ITGB2: variants seen among roughly 807,000 people sequenced by gnomAD.
The protein encoded by ITGB2 is integrin subunit beta 2.
ITGB2 carries 56 observed loss-of-function variants against 86.8 expected under a neutral mutation model. The observed-to-expected ratio is 0.65, with a 90% CI of 0.52 to 0.81. The LOEUF is 0.81. Among genes scored for constraint, ITGB2 ranks in the 30% least tolerant of loss-of-function variants. The pLI is 0.00. For synonymous variants in ITGB2, 457 were observed against 450.4 expected, an observed-to-expected ratio of 1.01 and a Z score of -0.19; for missense variants, 948 against 1,061.2, an observed-to-expected ratio of 0.89 and a Z score of 1.48.
In ITGB2 at chr21:44,903,248, C is replaced by A. The variant is rs1373145169; in HGVS notation, c.499+117G>T. On this transcript the variant is annotated intron_variant, in intron 5 of 15. Transcript: ENST00000652462. ...GTGGATGCCCTGGGGGGACCTGCAT[C>A]TGGGGCCCCCAGATCTACCCTGGGG... is the stretch of plus-strand genomic sequence containing the variant. 6.1e-6 allele frequency: 8 copies of A among 1,307,900 alleles called. No homozygotes were observed. In the Admixed American group the frequency reaches 7.1e-5, roughly 12 times the overall value. 81.0% of individuals were successfully genotyped at this position (1,307,900 alleles called of 1,614,324 possible).
intron 3 of ITGB2, among the ~76,000 whole-genome samples, chr21:44,907,776 A>G (rs2084065506): frequency 6.6e-6 from 1 of 152,146 alleles, no homozygotes; most frequent in South Asian, 2.1e-4. Flanking sequence ...TCAGGAGGAT[A>G]AGCCCGGCCC....
chr21:44,922,006 G>A (rs1363285841), upstream of ITGB2, among the ~76,000 whole-genome samples: 1 of 152,214 alleles, frequency 6.6e-6, no homozygotes, highest in African/African-American at 2.4e-5. Flanking sequence ...TTACTGGCGT[G>A]AGCCATGGCT....
intron 4 of ITGB2, 133 bp downstream of exon 4, chr21:44,906,782 G>C (rs1461894828): frequency 1.1e-6 from 1 of 905,514 alleles, no homozygotes; most frequent in Non-Finnish European, 1.8e-6. Flanking sequence ...GGGCTTCACT[G>C]GCCCACACAC....
At chr21:44,906,855 C>A in intron 4 of ITGB2, 60 bp downstream of exon 4, 2 of 1,592,032 alleles carry the variant, frequency 1.3e-6, no homozygotes, top group South Asian at 2.2e-5. Flanking sequence ...GCCGGACTCC[C>A]AGCCAGAGCC....
At position 44,889,515 on chromosome 21, in the gene ITGB2, G is replaced by A. The variant is rs377371046; in HGVS notation, c.1658-20C>T. ...CCCTCCCTGGAAGACGGGGCAGCAC[G>A]GCTAAGCTCCTGCTTGGCCTGGGAA... On this transcript the variant is annotated intron_variant, in intron 12 of 15. Transcript: ENST00000652462. The A allele has an allele frequency of 2.1e-4, 321 of 1,547,398 alleles. 2 individuals are homozygous for A. Among genetic ancestry groups the A allele is most frequent in the African/African-American group, 9.6e-4 (70 of 73,124 alleles).
chr21:44,888,036 C>T (rs1303961453), intron 14 of ITGB2, among the ~76,000 whole-genome samples: 1 of 152,242 alleles, frequency 6.6e-6, no homozygotes, highest in Non-Finnish European at 1.5e-5. Context: ...GGGCCAGTGT[C>T]ACCAAGGTCA....
chr21:44,901,414 C>G, intron 6 of ITGB2, 78 bp downstream of exon 6: 1 of 1,550,568 alleles, frequency 6.4e-7, no homozygotes, highest in Non-Finnish European at 8.7e-7. Flanking sequence ...CAGGGTACCC[C>G]CCTGCCCCCA....
rs367565222 is a variant in ITGB2 at position 44,900,289 on chromosome 21, C to T, written c.897+31G>A. ...CCTCCGTCAGTGGTGTCCTGCCAGG[C>T]GGTGCCTGGGTGCCTGGGGTGGGGA... On this transcript the variant is annotated intron_variant, in intron 7 of 15. Coordinates refer to ENST00000652462, the MANE Select transcript of ITGB2 (RefSeq NM_000211.5). 80 of 1,614,010 alleles carry T rather than the reference C, an allele frequency of 5.0e-5. 1 individual carries two copies. The highest frequency in any genetic ancestry group is 1.6e-4 in the South Asian group (15 of 91,080).
intron 1 of ITGB2, among the ~76,000 whole-genome samples, chr21:44,919,782 G>C (rs2084271746): frequency 6.6e-6 from 1 of 152,216 alleles, no homozygotes; most frequent in African/African-American, 2.4e-5. Flanking sequence ...GGATGGACAG[G>C]GACAGCAGGG....
At chr21:44,892,025 G>T in intron 10 of ITGB2, 29 bp from the exon 11 acceptor site, 2 of 1,603,798 alleles carry the variant, frequency 1.2e-6, no homozygotes, top group South Asian at 1.1e-5. Context: ...CTCAGGTGGG[G>T]ACCCTCGGTG....
intron 7 of ITGB2, among the ~76,000 whole-genome samples, chr21:44,899,801 G>A (rs1485766807): frequency 6.6e-6 from 1 of 152,190 alleles, no homozygotes; most frequent in Non-Finnish European, 1.5e-5. Context: ...GCTCCTTCTC[G>A]CCTCTGTCCC....
At chr21:44,891,664 A>T in intron 11 of ITGB2, 145 bp downstream of exon 11, 1 of 847,588 alleles carries the variant, frequency 1.2e-6, no homozygotes, top group Non-Finnish European at 1.8e-6. Flanking sequence ...AAATCTCCCC[A>T]CCTCCTGCAG....
chr21:44,895,879 A>ATG (rs55659143), intron 8 of ITGB2, among the ~76,000 whole-genome samples: 27,185 of 142,200 alleles, frequency 0.19, 2,840 homozygotes, highest in Middle Eastern at 0.3. Context: ...ATGAAATAAA[A>ATG]AAATAAATAA....
At position 44,910,732 on chromosome 21, in the gene ITGB2, G is replaced by C. The variant is rs768225440; in HGVS notation, c.51C>G (p.Leu17=). 1.9e-6 allele frequency: 3 copies of C among 1,613,878 alleles called. No individual in the cohort carries two copies. Among genetic ancestry groups the C allele is most frequent in the Non-Finnish European group, 2.5e-6 (3 of 1,179,968 alleles). ...GTGGAACACAGAACTCACCGCACCC[G>C]AGGGAGAGCAGCCCCACCAGGGCGA... ...PLLALVGLLS[L]GCVLSQECTK... is the part of the protein sequence containing the mutation. Residue 17 remains leucine (L), a synonymous_variant, in exon 2 of 16, where the codon CTC becomes CTG. Transcript: ENST00000652462.
At chr21:44,926,459 G>C (rs959867459) in intron 1 of ITGB2, among the ~76,000 whole-genome samples, 9 of 152,178 alleles carry the variant, frequency 5.9e-5, no homozygotes. Flanking sequence ...CTTTGATGAG[G>C]AAATGGCGAC....
intron 1 of ITGB2, chr21:44,911,052 A>G: frequency 1.8e-6 from 1 of 556,414 alleles, no homozygotes; most frequent in Middle Eastern, 4.9e-4. Context: ...AGAGGCACAC[A>G]ACACAGGCAC....
At chr21:44,919,444 A>G (rs1287993002) in intron 1 of ITGB2, among the ~76,000 whole-genome samples, 3 of 152,164 alleles carry the variant, frequency 2.0e-5, no homozygotes, top group East Asian at 1.9e-4. Flanking sequence ...CACTCTTGGT[A>G]AAGTGCTGGC....
At position 44,899,048 on chromosome 21, in the gene ITGB2, G is replaced by T. The variant is rs767679796; in HGVS notation, c.993+19C>A. On this transcript the variant is annotated intron_variant, in intron 8 of 15. Transcript: ENST00000652462. ...ACATGCCCCCACCCAATGGATGCTCGGGACCCAACAGCACTCACCTCGTAG... is the reference window on the plus strand; with the variant it reads ...ACATGCCCCCACCCAATGGATGCTCTGGACCCAACAGCACTCACCTCGTAG... 1 of 1,593,428 alleles carries T rather than the reference G, an allele frequency of 6.3e-7. No individual in the cohort carries two copies. The highest frequency in any genetic ancestry group is 1.1e-5 in the South Asian group (1 of 90,586).
At chr21:44,916,457 A>G (rs1039491931) in intron 1 of ITGB2, among the ~76,000 whole-genome samples, 3 of 152,092 alleles carry the variant, frequency 2.0e-5, no homozygotes, top group Non-Finnish European at 2.9e-5. Flanking sequence ...GGCCCCGGAC[A>G]CTCTTGCTGT....
Sources: gnomAD v4.1 joint callset for allele counts (sites outside exome capture counted in the v4.1 genomes callset) on GRCh38, gnomAD v4.1.1 for gene constraint, MANE v1.5 for transcripts, NCBI Gene and HGNC (gene_info 2026-07-23, HGNC 2026-07-21) for gene names.